CNTNAP2: variants seen among roughly 807,000 people sequenced by gnomAD.
CNTNAP2 encodes contactin associated protein 2, also known as contactin-associated protein-like 2.
A neutral mutation model predicts 155.2 loss-of-function variants in CNTNAP2; 98 were observed. The observed-to-expected ratio is 0.63, with a 90% CI of 0.54 to 0.75. The LOEUF (loss-of-function observed/expected upper bound fraction) is 0.75, where lower values mean the gene tolerates loss of function less well. Ranked by LOEUF, CNTNAP2 falls within the 30% of genes least tolerant of loss-of-function variation. The probability of loss-of-function intolerance (pLI) is 0.00; values close to 1 mark genes in which losing one functional copy is unlikely to be tolerated. For synonymous variants in CNTNAP2, 651 were observed against 631.2 expected, an observed-to-expected ratio of 1.03 and a Z score of -0.47; for missense variants, 1,727 against 1,688.1, an observed-to-expected ratio of 1.02 and a Z score of -0.40.
At chr7:148,304,425 AT>A (rs1007835000) in intron 21 of CNTNAP2, among the ~76,000 whole-genome samples, 5 of 151,844 alleles carry the variant, frequency 3.3e-5, no homozygotes, top group African/African-American at 7.2e-5. Context: ...AATTTTCAAG[AT>A]TTTTTTTTCC....
At chr7:147,734,340 C>A (rs1796799457) in intron 13 of CNTNAP2, among the ~76,000 whole-genome samples, 1 of 152,152 alleles carries the variant, frequency 6.6e-6, no homozygotes, top group South Asian at 2.1e-4. Context: ...ATATGTTGAA[C>A]CAGCCTTGCA....
chr7:148,016,696 C>G (rs1007294012), intron 15 of CNTNAP2, among the ~76,000 whole-genome samples: 2 of 152,172 alleles, frequency 1.3e-5, no homozygotes, highest in Non-Finnish European at 2.9e-5. Context: ...AATCATACTA[C>G]CCAGCTAACA....
At chr7:146,630,416 C>A (rs757702335) in intron 1 of CNTNAP2, among the ~76,000 whole-genome samples, 3 of 148,168 alleles carry the variant, frequency 2.0e-5, no homozygotes, top group Admixed American at 6.8e-5. Flanking sequence ...CAAGTCTTTG[C>A]TATTGCAAAT....
chr7:146,985,074 C>A (rs1326870031), intron 3 of CNTNAP2, among the ~76,000 whole-genome samples: 2 of 152,006 alleles, frequency 1.3e-5, no homozygotes, highest in African/African-American at 4.8e-5. Flanking sequence ...TCAGTCAGTT[C>A]TATGTAGTTA....
At chr7:146,641,987 A>G (rs1799716250) in intron 1 of CNTNAP2, among the ~76,000 whole-genome samples, 1 of 152,152 alleles carries the variant, frequency 6.6e-6, no homozygotes. Context: ...CAAGAAAAGA[A>G]CATGAAACAA....
At chr7:147,950,373 A>C (rs1422147888) in intron 14 of CNTNAP2, among the ~76,000 whole-genome samples, 1 of 147,300 alleles carries the variant, frequency 6.8e-6, no homozygotes, top group African/African-American at 2.5e-5. Flanking sequence ...GCAAAAAAAA[A>C]AAAAAAAAAA....
intron 1 of CNTNAP2, among the ~76,000 whole-genome samples, chr7:146,308,821 C>T (rs779504455): frequency 2.6e-5 from 4 of 151,668 alleles, no homozygotes; most frequent in Non-Finnish European, 5.9e-5. Flanking sequence ...ATACCGGGGC[C>T]TGTTGTAGGG....
intron 12 of CNTNAP2, among the ~76,000 whole-genome samples, chr7:147,590,223 A>C (rs1473514067): frequency 3.3e-5 from 5 of 152,232 alleles, no homozygotes; most frequent in African/African-American, 1.2e-4. Flanking sequence ...TATTTATTTA[A>C]AAAAATTATT....
At chr7:148,310,841 T>A (rs1263135083) in intron 21 of CNTNAP2, among the ~76,000 whole-genome samples, 1 of 152,030 alleles carries the variant, frequency 6.6e-6, no homozygotes, top group Non-Finnish European at 1.5e-5. Flanking sequence ...TGGGGATTGA[T>A]GAAGTAACTG....
chr7:148,115,454 C>T (rs1804447236), intron 15 of CNTNAP2, among the ~76,000 whole-genome samples: 1 of 152,190 alleles, frequency 6.6e-6, no homozygotes, highest in Admixed American at 6.5e-5. Flanking sequence ...AATTGCTTTG[C>T]TTAAGGCTGA....
intron 3 of CNTNAP2, among the ~76,000 whole-genome samples, chr7:146,962,304 A>T (rs556605030): frequency 1.3e-5 from 2 of 152,296 alleles, no homozygotes; most frequent in South Asian, 4.1e-4. Context: ...TCTTTAACAC[A>T]GTCTATTTTT....
At chr7:148,237,358 G>T (rs956026181) in intron 20 of CNTNAP2, among the ~76,000 whole-genome samples, 39 of 152,180 alleles carry the variant, frequency 2.6e-4, no homozygotes, top group African/African-American at 8.2e-4. Context: ...AGACATTGTG[G>T]TTCTATGCTA....
chr7:146,477,072 C>A (rs6958673), intron 1 of CNTNAP2, among the ~76,000 whole-genome samples: 30,155 of 152,024 alleles, frequency 0.2, 4,397 homozygotes, highest in African/African-American at 0.42. Context: ...ATAATAGAAT[C>A]CATTAACTAT....
intron 1 of CNTNAP2, among the ~76,000 whole-genome samples, chr7:146,593,420 C>T (rs1044865677): frequency 1.3e-5 from 2 of 151,990 alleles, no homozygotes; most frequent in Non-Finnish European, 2.9e-5. Context: ...AAGAGAAACA[C>T]GTATAAATGT....
intron 2 of CNTNAP2, among the ~76,000 whole-genome samples, chr7:146,833,037 C>T (rs902882166): frequency 5.1e-4 from 78 of 152,052 alleles, no homozygotes; most frequent in African/African-American, 1.8e-3. Flanking sequence ...AATTGGTAGC[C>T]TTTCCTCAGA....
chr7:146,319,093 G>A (rs899668497), intron 1 of CNTNAP2, among the ~76,000 whole-genome samples: 9 of 151,940 alleles, frequency 5.9e-5, no homozygotes, highest in African/African-American at 2.2e-4. Flanking sequence ...AGAGGTGTTG[G>A]TCTCGAATGC....
intron 3 of CNTNAP2, among the ~76,000 whole-genome samples, chr7:147,018,074 T>C (rs1798755171): frequency 6.6e-6 from 1 of 152,112 alleles, no homozygotes; most frequent in Non-Finnish European, 1.5e-5. Context: ...TATGCATTTC[T>C]CTAGAAAATC....
At chr7:146,654,586 G>C (rs1472367847) in intron 1 of CNTNAP2, among the ~76,000 whole-genome samples, 1 of 152,048 alleles carries the variant, frequency 6.6e-6, no homozygotes, top group Non-Finnish European at 1.5e-5. Flanking sequence ...AAAATACTTG[G>C]GGCTGCATAA....
At chr7:147,288,229 T>C (rs1053967233) in intron 8 of CNTNAP2, among the ~76,000 whole-genome samples, 1 of 152,202 alleles carries the variant, frequency 6.6e-6, no homozygotes, top group African/African-American at 2.4e-5. Flanking sequence ...AGTTATTTTA[T>C]AGCAGTTATC....
Sources: gnomAD v4.1 joint callset for allele counts (sites outside exome capture counted in the v4.1 genomes callset) on GRCh38, gnomAD v4.1.1 for gene constraint, MANE v1.5 for transcripts, NCBI Gene and HGNC (gene_info 2026-07-23, HGNC 2026-07-21) for gene names.